The following PCYOX1L variants were observed in gnomAD, a reference collection of about 807,000 sequenced individuals.
The protein encoded by PCYOX1L is prenylcysteine oxidase 1-like.
Under a neutral mutation model 44.1 loss-of-function variants are expected in PCYOX1L, and 40 were observed. The ratio of observed to expected loss-of-function variants is 0.91; its 90% confidence interval spans 0.70 to 1.18. The LOEUF is 1.18. PCYOX1L is among the 50% of genes most tolerant of loss of function. The pLI is 0.00. For synonymous variants in PCYOX1L, 266 were observed against 282.8 expected, an observed-to-expected ratio of 0.94 and a Z score of 0.60; for missense variants, 605 against 653.3, an observed-to-expected ratio of 0.93 and a Z score of 0.81.
chr5:149,362,788 G>A lies in PCYOX1L; in HGVS notation c.240G>A (p.Gly80=), dbSNP rs1758054200. Residue 80 remains glycine (G), a synonymous_variant, in exon 2 of 6, where the codon GGG becomes GGA. Coordinates refer to ENST00000274569, the MANE Select transcript of PCYOX1L (RefSeq NM_024028.4). ...TCAACAAGCAGCACTATGAGAGCGG[G>A]GCTGCCTCCTTCCACTCCCTGAGCC... The part of the protein sequence containing the change: ...ISVNKQHYES[G]AASFHSLSLH... The A allele has an allele frequency of 6.2e-7, 1 of 1,614,022 alleles. No homozygotes were observed. The highest frequency in any genetic ancestry group is 1.3e-5 in the African/African-American group (1 of 74,940).
intron 3 of PCYOX1L, 185 bp downstream of exon 3, chr5:149,364,395 C>G (rs1758129739): frequency 1.6e-6 from 1 of 642,518 alleles, no homozygotes; most frequent in Admixed American, 3.0e-5. Flanking sequence ...CAGTAATGGT[C>G]TCCCTAGTAT....
Position 149,367,357 on chromosome 5 carries a change from C to T in PCYOX1L, c.683-3C>T. The T allele has an allele frequency of 3.1e-6, 5 of 1,609,408 alleles. No individual in the cohort carries two copies. The highest frequency in any genetic ancestry group is 2.2e-5 in the East Asian group (1 of 44,774). On this transcript the variant is annotated splice_polypyrimidine_tract_variant and splice_region_variant and intron_variant, in intron 4 of 5. Transcript: ENST00000274569. ...ATCAGCACCCACTTCCCGCTTTGCCCAGGAGCCATGTCACTAGCCGGGGCC... is the reference window on the plus strand; with the variant it reads ...ATCAGCACCCACTTCCCGCTTTGCCTAGGAGCCATGTCACTAGCCGGGGCC...
At position 149,362,540 on chromosome 5, in the gene PCYOX1L, G is replaced by A. The variant is rs1758036159; in HGVS notation, c.89-97G>A. The stretch of plus-strand genomic sequence containing the variant: ...ATAAGCCTAGGAAATTTAAGCACCT[G>A]GGAACCACCAGCGCAGGAGGATACA... On this transcript the variant is annotated intron_variant, in intron 1 of 5. Coordinates refer to ENST00000274569, the MANE Select transcript of PCYOX1L (RefSeq NM_024028.4). The A allele has an allele frequency of 4.6e-6, 6 of 1,299,102 alleles. No individual in the cohort carries two copies. The Admixed American group carries it at 7.7e-5, about 17-fold the overall frequency. 80.5% of individuals were successfully genotyped at this position (1,299,102 alleles called of 1,614,324 possible).
chr5:149,358,430 C>CT (rs1411815610), intron 1 of PCYOX1L, among the ~76,000 whole-genome samples: 1 of 152,242 alleles, frequency 6.6e-6, no homozygotes, highest in Non-Finnish European at 1.5e-5. Flanking sequence ...CGCTGAGCAT[C>CT]TGCCATGGTC....
chr5:149,368,533 C>A lies in PCYOX1L; in HGVS notation c.1364C>A (p.Ser455Tyr), dbSNP rs376501121. The change falls in exon 6 of 6, where the codon TCC becomes TAC. Residue 455 changes from serine to tyrosine, a missense_variant. Coordinates refer to ENST00000274569, the MANE Select transcript of PCYOX1L (RefSeq NM_024028.4). ...YLNALEWAAS[S>Y]VEVMAVAAKN... ...AATGCCCTGGAGTGGGCGGCCAGCT[C>A]CGTGGAGGTGATGGCCGTGGCTGCC... 84 of 1,608,704 alleles carry A rather than the reference C, an allele frequency of 5.2e-5. No individual in the cohort carries two copies. Among genetic ancestry groups the A allele is most frequent in the Middle Eastern group, 1.7e-4 (1 of 6,052 alleles).
chr5:149,362,455 C>T, intron 1 of PCYOX1L, 182 bp from the exon 2 acceptor site: 2 of 628,056 alleles, frequency 3.2e-6, no homozygotes, highest in Non-Finnish European at 5.5e-6. Flanking sequence ...TTCAGGTTTG[C>T]CTTTGCTTAT....
At chr5:149,363,800 A>T in intron 2 of PCYOX1L, 1 of 509,208 alleles carries the variant, frequency 2.0e-6, no homozygotes, top group African/African-American at 1.9e-5. Context: ...AATTTCCCTC[A>T]CTTGTGGATC....
At chr5:149,365,792 G>A (rs1758176331) in intron 3 of PCYOX1L, 150 bp from the exon 4 acceptor site, 2 of 674,808 alleles carry the variant, frequency 3.0e-6, no homozygotes, top group East Asian at 2.7e-5. Flanking sequence ...GAGAACAGGT[G>A]CCAGGGAACA....
In PCYOX1L at chr5:149,368,022, G is replaced by A; in HGVS notation, c.853G>A (p.Glu285Lys). Reference sequence around the variant, plus strand: ...GAAAGCCCTGTACCAGGTGGCGTATGAGAATGAGGTAGGCAACAGCTCTGA... The same window carrying A: ...GAAAGCCCTGTACCAGGTGGCGTATAAGAATGAGGTAGGCAACAGCTCTGA... ...EGKALYQVAY[E>K]NEVGNSSDFY... is the part of the protein sequence containing the mutation. The change falls in exon 6 of 6, where the codon GAG (glutamate) becomes AAG (lysine). Residue 285 changes from glutamate (E) to lysine (K), a missense_variant. Coordinates refer to ENST00000274569, the MANE Select transcript of PCYOX1L (RefSeq NM_024028.4). 1 of 1,548,134 alleles carries A rather than the reference G, an allele frequency of 6.5e-7. No homozygotes were observed. Among genetic ancestry groups the A allele is most frequent in the Non-Finnish European group, 8.7e-7 (1 of 1,150,964 alleles).
chr5:149,365,753 CT>C, intron 3 of PCYOX1L, 188 bp from the exon 4 acceptor site: 2 of 611,212 alleles, frequency 3.3e-6, no homozygotes, highest in Non-Finnish European at 2.9e-6. Context: ...TTCACACTCC[CT>C]TTAGGTGGGA....
chr5:149,365,787 C>T, intron 3 of PCYOX1L, 155 bp from the exon 4 acceptor site: 1 of 659,652 alleles, frequency 1.5e-6, no homozygotes, highest in Non-Finnish European at 2.6e-6. Flanking sequence ...AGTCAGAGAA[C>T]AGGTGCCAGG....
In PCYOX1L at chr5:149,368,666, A is replaced by G. The variant is rs764017606; in HGVS notation, c.*12A>G. On this transcript the variant is annotated 3_prime_UTR_variant, in exon 6 of 6. Coordinates refer to ENST00000274569, the MANE Select transcript of PCYOX1L (RefSeq NM_024028.4). ...AGACTGAACTGTGAGGGCTCTAGGG[A>G]GAGCCTGGGAACTTTCATCCCCCAC... is the stretch of plus-strand genomic sequence containing the variant. 1 of 1,501,106 alleles carries G rather than the reference A, an allele frequency of 6.7e-7. No homozygotes were observed. Among genetic ancestry groups the G allele is most frequent in the Non-Finnish European group, 8.8e-7 (1 of 1,132,530 alleles). The allele number at this position is 1,501,106 out of a possible 1,614,324, so 93.0% of individuals were successfully genotyped here.
intron 1 of PCYOX1L, among the ~76,000 whole-genome samples, chr5:149,361,873 C>A (rs1210065550): frequency 1.4e-5 from 2 of 145,516 alleles, no homozygotes; most frequent in African/African-American, 5.6e-5. Flanking sequence ...GGTGATCTGC[C>A]CCCGCTAGGC....
intron 2 of PCYOX1L, 93 bp downstream of exon 2, chr5:149,362,936 G>A: frequency 7.3e-7 from 1 of 1,374,824 alleles, no homozygotes; most frequent in Non-Finnish European, 1.0e-6. Flanking sequence ...ATCAAGGCCA[G>A]AAGGTCATGT....
rs1271490696 is a variant in PCYOX1L at position 149,368,970 on chromosome 5, C to G, written c.*316C>G. The G allele has an allele frequency of 4.4e-6, 1 of 228,920 alleles. No homozygotes were observed. The highest frequency in any genetic ancestry group is 8.4e-6 in the Non-Finnish European group (1 of 119,040). 14.2% of individuals were successfully genotyped at this position (228,920 alleles called of 1,614,324 possible). ...GGTTTCTTAGCTAGAAACCAGAAGA[C>G]TACGGGAGGGAATATAAGGCAGAGA... On this transcript the variant is annotated 3_prime_UTR_variant, in exon 6 of 6. Coordinates refer to ENST00000274569, the MANE Select transcript of PCYOX1L (RefSeq NM_024028.4).
At position 149,368,171 on chromosome 5, in the gene PCYOX1L, C is replaced by G; in HGVS notation, c.1002C>G (p.Val334=). The change falls in exon 6 of 6, where the codon GTC becomes GTG. Residue 334 remains valine, a synonymous_variant. Transcript: ENST00000274569. ...AGGGCTCTTTCCAGCCCACCGTCGT[C>G]TCCTTGGTCCACGGCTACCTCAACT... ...DVQGSFQPTV[V]SLVHGYLNSS... 6.2e-7 allele frequency: 1 copy of G among 1,613,874 alleles called. No individual in the cohort carries two copies. Among genetic ancestry groups the G allele is most frequent in the Non-Finnish European group, 8.5e-7 (1 of 1,179,868 alleles).
intron 2 of PCYOX1L, chr5:149,363,269 G>A (rs891142614): frequency 2.3e-5 from 8 of 355,360 alleles, no homozygotes; most frequent in African/African-American, 1.7e-4. Flanking sequence ...AGCCATTACA[G>A]CGAGAGGTGG....
chr5:149,366,457 C>T (rs893799503), intron 4 of PCYOX1L, among the ~76,000 whole-genome samples: 1 of 152,244 alleles, frequency 6.6e-6, no homozygotes, highest in African/African-American at 2.4e-5. Flanking sequence ...GCTCTGCTCT[C>T]TACACTTTGG....
intron 2 of PCYOX1L, chr5:149,363,303 C>T: frequency 2.9e-6 from 1 of 348,900 alleles, no homozygotes; most frequent in Non-Finnish European, 5.7e-6. Flanking sequence ...CAGCATCTGT[C>T]CAATACACGT....
Sources: gnomAD v4.1 joint callset for allele counts (sites outside exome capture counted in the v4.1 genomes callset) on GRCh38, gnomAD v4.1.1 for gene constraint, MANE v1.5 for transcripts, NCBI Gene and HGNC (gene_info 2026-07-23, HGNC 2026-07-21) for gene names.